SREBF2: variants seen among roughly 807,000 people sequenced by gnomAD.
SREBF2 encodes sterol regulatory element-binding protein 2.
SREBF2 carries 55 observed loss-of-function variants against 113.1 expected under a neutral mutation model. The observed-to-expected ratio is 0.49, with a 90% CI of 0.39 to 0.61. SREBF2 has a LOEUF of 0.61. Ranked by LOEUF, SREBF2 falls within the 20% of genes least tolerant of loss-of-function variation. SREBF2 has a pLI of 0.00. For missense variants in SREBF2, 1,349 were observed against 1,487.4 expected, an observed-to-expected ratio of 0.91 and a Z score of 1.53; for synonymous variants, 593 against 605.7, an observed-to-expected ratio of 0.98 and a Z score of 0.31.
rs1272461995 is a variant in SREBF2, at chr22:41,904,992, C to T, written c.3205+18C>T. On this transcript the variant is annotated intron_variant, in intron 18 of 18. Coordinates refer to ENST00000361204, the MANE Select transcript of SREBF2 (RefSeq NM_004599.4). ...CAAGCACGGTGAGTCCACCCCTCCC[C>T]AGCTCACAGGCTGGGCCAGGCCCTG... 1.3e-6 allele frequency: 2 copies of T among 1,570,802 alleles called. No homozygotes were observed. The highest frequency in any genetic ancestry group is 1.7e-6 in the Non-Finnish European group (2 of 1,163,222).
At chr22:41,836,106 G>T (rs2148334054) in intron 1 of SREBF2, among the ~76,000 whole-genome samples, 1 of 152,348 alleles carries the variant, frequency 6.6e-6, no homozygotes, top group East Asian at 1.9e-4. Context: ...CCTTCCAGAA[G>T]ACCTGGTTTA....
chr22:41,899,276 T>G, intron 15 of SREBF2: 2 of 1,066,870 alleles, frequency 1.9e-6, no homozygotes, highest in Non-Finnish European at 1.1e-6. Flanking sequence ...AACTTTGTCC[T>G]GTAACTAAAA....
At chr22:41,861,346 G>A (rs1306295352) in intron 1 of SREBF2, among the ~76,000 whole-genome samples, 5 of 152,072 alleles carry the variant, frequency 3.3e-5, no homozygotes, top group Non-Finnish European at 5.9e-5. Context: ...GCTGGGCATG[G>A]TGGCACGCAC....
chr22:41,843,593 A>G (rs879115358), intron 1 of SREBF2, among the ~76,000 whole-genome samples: 2 of 152,226 alleles, frequency 1.3e-5, no homozygotes, highest in Admixed American at 6.5e-5. Flanking sequence ...TTTAGAACCC[A>G]TGTATTTTTC....
chr22:41,861,784 G>C (rs963332807), intron 1 of SREBF2, among the ~76,000 whole-genome samples: 3 of 151,946 alleles, frequency 2.0e-5, no homozygotes, highest in African/African-American at 4.8e-5. Context: ...TTAGCAGGGC[G>C]TGGTGGTGTG....
chr22:41,849,005 G>C (rs903751606), intron 1 of SREBF2, among the ~76,000 whole-genome samples: 3 of 151,858 alleles, frequency 2.0e-5, no homozygotes, highest in Non-Finnish European at 4.4e-5. Context: ...TTATTTTCCA[G>C]TAAAAAAAAT....
At chr22:41,855,914 C>T (rs879376368) in intron 1 of SREBF2, among the ~76,000 whole-genome samples, 7 of 151,712 alleles carry the variant, frequency 4.6e-5, no homozygotes, top group Non-Finnish European at 1.0e-4. Flanking sequence ...TGCCACGAGG[C>T]CTGACCAAGT....
At chr22:41,875,290 G>A (rs2077184458) in intron 5 of SREBF2, 47 bp from the exon 6 acceptor site, 14 of 1,529,878 alleles carry the variant, frequency 9.2e-6, no homozygotes, top group Non-Finnish European at 1.3e-5. Flanking sequence ...TTTTCACACT[G>A]TAGCCTGCAC....
intron 1 of SREBF2, among the ~76,000 whole-genome samples, chr22:41,848,452 TC>T (rs1445849018): frequency 6.6e-6 from 1 of 152,198 alleles, no homozygotes; most frequent in Non-Finnish European, 1.5e-5. Context: ...AGACAGCCTT[TC>T]AAACATGGGA....
intron 12 of SREBF2, among the ~76,000 whole-genome samples, chr22:41,894,156 G>A (rs1444356125): frequency 1.3e-5 from 2 of 152,130 alleles, no homozygotes; most frequent in Non-Finnish European, 2.9e-5. Context: ...GCAGTCTCTG[G>A]CTCCAGGCCT....
At position 41,880,888 on chromosome 22, in the gene SREBF2, G is replaced by A. The variant is rs200191887; in HGVS notation, c.1934G>A (p.Arg645Gln). Residue 645 changes from arginine (R) to glutamine (Q), a missense_variant, in exon 10 of 19, where the codon CGG becomes CAG. Physicochemically the swap from Arg to Gln is conservative, Grantham distance 43. Around this residue, in one of 2 missense-constraint regions of SREBF2, gnomAD observed 699 missense variants for 843.3 expected, o/e 0.83. Transcript: ENST00000361204. ...RWLLKKVFQC[R>Q]RATPATEAGF... ...CTGCTCAAGAAAGTCTTCCAGTGCCGGCGGGCCACGCCAGCCACTGAGGCA... is the reference window on the plus strand; with the variant it reads ...CTGCTCAAGAAAGTCTTCCAGTGCCAGCGGGCCACGCCAGCCACTGAGGCA... The A allele has an allele frequency of 9.3e-6, 15 of 1,612,628 alleles. No individual in the cohort carries two copies. The highest frequency in any genetic ancestry group is 4.0e-5 in the African/African-American group (3 of 74,938).
rs762351440 is a variant in SREBF2 at position 41,900,509 on chromosome 22, G to C, written c.2907+11G>C. 3 of 1,611,762 alleles carry C rather than the reference G, an allele frequency of 1.9e-6. No individual in the cohort carries two copies. Among genetic ancestry groups the C allele is most frequent in the Non-Finnish European group, 2.5e-6 (3 of 1,178,890 alleles). On this transcript the variant is annotated intron_variant, in intron 16 of 18. Coordinates refer to ENST00000361204, the MANE Select transcript of SREBF2 (RefSeq NM_004599.4). ...CCTGCCCTCAACCACGTGAGTGGGA[G>C]CTGAGTTGGCCCCTGGGGGAGGTGC...
chr22:41,841,156 A>G (rs943470288), intron 1 of SREBF2, among the ~76,000 whole-genome samples: 2 of 152,022 alleles, frequency 1.3e-5, no homozygotes, highest in Non-Finnish European at 2.9e-5. Context: ...TGGTCAGCAC[A>G]CCCCTAGGAG....
chr22:41,856,708 G>A (rs2076980639), intron 1 of SREBF2, among the ~76,000 whole-genome samples: 2 of 152,174 alleles, frequency 1.3e-5, no homozygotes, highest in Admixed American at 6.5e-5. Context: ...AACTAAAGTG[G>A]GTGGGAAGTG....
chr22:41,859,118 G>A (rs1229243271), intron 1 of SREBF2, among the ~76,000 whole-genome samples: 3 of 145,816 alleles, frequency 2.1e-5, no homozygotes, highest in Non-Finnish European at 3.0e-5. Flanking sequence ...GCAAGACTCC[G>A]TCTCAAAAAA....
chr22:41,851,637 G>A (rs1361066665), intron 1 of SREBF2, among the ~76,000 whole-genome samples: 1 of 152,036 alleles, frequency 6.6e-6, no homozygotes, highest in Non-Finnish European at 1.5e-5. Flanking sequence ...GGGATTACAG[G>A]TGCGTACCAC....
At position 41,900,457 on chromosome 22, in the gene SREBF2, C is replaced by G. The variant is rs1303694024; in HGVS notation, c.2866C>G (p.Leu956Val). Residue 956 changes from leucine (L) to valine (V), a missense_variant, in exon 16 of 19, where the codon CTC (leucine) becomes GTC (valine). Around this residue, in one of 2 missense-constraint regions of SREBF2, gnomAD observed 650 missense variants for 644.1 expected, o/e 1.01. Coordinates refer to ENST00000361204, the MANE Select transcript of SREBF2 (RefSeq NM_004599.4). The stretch of plus-strand genomic sequence containing the variant: ...GGCCAGTGGCCACCTATGGAGCAGC[C>G]TCAACGTCAGTGGGGCCACCTCTGA... ...ERASGHLWSS[L>V]NVSGATSDPA... The G allele has an allele frequency of 1.2e-6, 2 of 1,613,922 alleles. No homozygotes were observed. The highest frequency in any genetic ancestry group is 2.2e-5 in the South Asian group (2 of 91,080).
intron 5 of SREBF2, among the ~76,000 whole-genome samples, chr22:41,874,768 G>A (rs886519253): frequency 1.3e-5 from 2 of 152,116 alleles, no homozygotes; most frequent in African/African-American, 2.4e-5. Flanking sequence ...TTAGCCGGGC[G>A]TGCTGGCAGG....
intron 13 of SREBF2, among the ~76,000 whole-genome samples, chr22:41,895,869 G>A (rs1328342772): frequency 6.6e-6 from 1 of 150,452 alleles, no homozygotes; most frequent in Non-Finnish European, 1.5e-5. Flanking sequence ...GCTGGGTGCA[G>A]TGGCTCACGT....
Sources: gnomAD v4.1 joint callset for allele counts (sites outside exome capture counted in the v4.1 genomes callset) on GRCh38, gnomAD v4.1.1 for gene constraint, gnomAD v4.1.1 regional missense constraint, MANE v1.5 for transcripts, NCBI Gene and HGNC (gene_info 2026-07-23, HGNC 2026-07-21) for gene names.